The following IKZF3 variants were observed in gnomAD, a reference collection of about 807,000 sequenced individuals.
The protein encoded by IKZF3 is zinc finger protein Aiolos.
IKZF3 carries 10 observed loss-of-function variants against 49.0 expected under a neutral mutation model. That is an observed-to-expected ratio of 0.20 (90% CI 0.13 to 0.35). The LOEUF (loss-of-function observed/expected upper bound fraction) is 0.35. Among genes scored for constraint, IKZF3 ranks in the 10% least tolerant of loss-of-function variants. The pLI, the probability that IKZF3 is intolerant of heterozygous loss-of-function variation, is 1.00. For missense variants in IKZF3, 498 were observed against 664.8 expected (o/e 0.75, Z 2.76); for synonymous variants, 209 against 228.2 (o/e 0.92, Z 0.76).
At chr17:39,850,982 A>ATACACG (rs2062854086) in intron 1 of IKZF3, among the ~76,000 whole-genome samples, 1 of 143,226 alleles carries the variant, frequency 7.0e-6, no homozygotes, top group Non-Finnish European at 1.5e-5. Context: ...TATATATTAT[A>ATACACG]TATGTGTATA....
At chr17:39,848,978 T>C (rs1259406109) in intron 1 of IKZF3, among the ~76,000 whole-genome samples, 2 of 152,180 alleles carry the variant, frequency 1.3e-5, no homozygotes, top group Non-Finnish European at 2.9e-5. Flanking sequence ...CCAACGTGCC[T>C]GGCAAAGAAT....
At chr17:39,766,552 A>G in intron 7 of IKZF3, 59 bp from the exon 8 acceptor site, 3 of 1,418,052 alleles carry the variant, frequency 2.1e-6, no homozygotes, top group Non-Finnish European at 2.9e-6. Context: ...AGAGTTTGTA[A>G]ATATTTTCTA....
Position 39,758,052 on chromosome 17 carries a change from T to C in IKZF3, c.*7738A>G, listed in dbSNP as rs1227519936. On this transcript the variant is annotated 3_prime_UTR_variant, in exon 8 of 8. Coordinates refer to ENST00000346872, the MANE Select transcript of IKZF3 (RefSeq NM_012481.5). ...GGCTCCCTCCCGCCTTCCCTCCCAGTGGGAAGGCCACCCTGAGCCCCAAAC... is the reference window on the plus strand; with the variant it reads ...GGCTCCCTCCCGCCTTCCCTCCCAGCGGGAAGGCCACCCTGAGCCCCAAAC... The C allele has an allele frequency of 6.6e-6, 1 of 152,182 alleles. No homozygotes were observed. Among genetic ancestry groups the C allele is most frequent in the Non-Finnish European group, 1.5e-5 (1 of 68,018 alleles). The allele number at this position is 152,182 out of a possible 1,614,324, so 9.4% of individuals were successfully genotyped here. A position where few individuals can be genotyped will look rare whatever the true frequency, so the allele number is the denominator to read the frequency against.
At chr17:39,775,365 C>T (rs988484810) in intron 7 of IKZF3, among the ~76,000 whole-genome samples, 21 of 152,116 alleles carry the variant, frequency 1.4e-4, no homozygotes, top group African/African-American at 5.1e-4. Flanking sequence ...GCATCTCTCA[C>T]AAGTCTGGAA....
intron 5 of IKZF3, among the ~76,000 whole-genome samples, chr17:39,788,915 C>T (rs2060939318): frequency 6.6e-6 from 1 of 152,096 alleles, no homozygotes; most frequent in African/African-American, 2.4e-5. Context: ...ACAATAAAAA[C>T]TGAGCTAATT....
At chr17:39,838,685 C>T (rs2062375927) in intron 1 of IKZF3, among the ~76,000 whole-genome samples, 1 of 152,060 alleles carries the variant, frequency 6.6e-6, no homozygotes, top group South Asian at 2.1e-4. Context: ...GGTCAGTTAC[C>T]ATTGATTTCC....
At chr17:39,817,844 C>T (rs1000430988) in intron 3 of IKZF3, among the ~76,000 whole-genome samples, 3 of 152,112 alleles carry the variant, frequency 2.0e-5, no homozygotes, top group Non-Finnish European at 4.4e-5. Flanking sequence ...GTAGAGTAGT[C>T]CCCCCTTATT....
rs776688903 is a variant in IKZF3, at chr17:39,792,759, G to C, written c.338C>G (p.Pro113Arg). Reference protein sequence around the residue: ...RHVVSFDSSRPTSGKMNCDVC... With the variant: ...RHVVSFDSSRRTSGKMNCDVC... ...ATCGCAGTTCATCTTTCCACTGGTT[G>C]GCCTGCTACTATCGAATGAGACAAC... Residue 113 changes from proline to arginine, a missense_variant, in exon 4 of 8, where the codon CCA (proline) becomes CGA (arginine). This residue lies in a region of IKZF3 where 84 missense variants were observed against 168.6 expected (regional missense o/e 0.50). Transcript: ENST00000346872. 8 of 1,614,072 alleles carry C rather than the reference G, an allele frequency of 5.0e-6. No homozygotes were observed. The highest frequency in any genetic ancestry group is 6.8e-6 in the Non-Finnish European group (8 of 1,179,964).
chr17:39,811,410 G>C (rs1352763469), intron 3 of IKZF3, among the ~76,000 whole-genome samples: 1 of 148,986 alleles, frequency 6.7e-6, no homozygotes, highest in Non-Finnish European at 1.5e-5. Flanking sequence ...AAGGAAGAAA[G>C]GAAGGAAGAA....
chr17:39,791,579 T>C lies in IKZF3; in HGVS notation c.429A>G (p.Glu143=), dbSNP rs1390544780. The C allele has an allele frequency of 1.2e-6, 2 of 1,613,910 alleles. No individual in the cohort carries two copies. The highest frequency in any genetic ancestry group is 1.7e-6 in the Non-Finnish European group (2 of 1,179,886). ...CACACTGATTACACTGGAATGGGCG[T>C]TCACCTTTAAAAAGGACAAAAAAGG... ...LMVHKRSHTG[E]RPFQCNQCGA... is the part of the protein sequence containing the mutation. Residue 143 remains glutamate (E), a synonymous_variant, in exon 5 of 8, where the codon GAA becomes GAG. Coordinates refer to ENST00000346872, the MANE Select transcript of IKZF3 (RefSeq NM_012481.5).
At chr17:39,813,540 A>C (rs1018549891) in intron 3 of IKZF3, among the ~76,000 whole-genome samples, 1 of 151,596 alleles carries the variant, frequency 6.6e-6, no homozygotes, top group Non-Finnish European at 1.5e-5. Context: ...GCTACTCTGG[A>C]GTCTCGGGTG....
intron 7 of IKZF3, among the ~76,000 whole-genome samples, chr17:39,774,128 C>A (rs73302117): frequency 1.3e-5 from 2 of 152,076 alleles, no homozygotes; most frequent in Non-Finnish European, 2.9e-5. Flanking sequence ...TGGTAATTAT[C>A]GCCAGCCCGC....
At chr17:39,779,865 T>C (rs1567971127) in intron 6 of IKZF3, among the ~76,000 whole-genome samples, 1 of 152,174 alleles carries the variant, frequency 6.6e-6, no homozygotes, top group Middle Eastern at 3.4e-3. Flanking sequence ...CTATTATGTC[T>C]AAGGAAGAAT....
At chr17:39,779,602 T>C (rs1489867368) in intron 6 of IKZF3, among the ~76,000 whole-genome samples, 2 of 152,050 alleles carry the variant, frequency 1.3e-5, no homozygotes, top group East Asian at 3.8e-4. Context: ...ACAGTAAATT[T>C]TAAAAATTTG....
At chr17:39,815,063 T>C (rs1464982723) in intron 3 of IKZF3, among the ~76,000 whole-genome samples, 4 of 151,836 alleles carry the variant, frequency 2.6e-5, no homozygotes, top group African/African-American at 9.7e-5. Flanking sequence ...GCCAGTAGAG[T>C]GTTAAATACA....
At chr17:39,825,876 T>G (rs1260151594) in intron 3 of IKZF3, among the ~76,000 whole-genome samples, 1 of 152,138 alleles carries the variant, frequency 6.6e-6, no homozygotes. Context: ...TTATAGAGAA[T>G]CATGGTACCT....
chr17:39,801,599 C>T (rs1034028780), intron 3 of IKZF3, among the ~76,000 whole-genome samples: 1 of 152,174 alleles, frequency 6.6e-6, no homozygotes, highest in Non-Finnish European at 1.5e-5. Flanking sequence ...AATGTCTATA[C>T]TTCTCTCCCA....
Position 39,864,179 on chromosome 17 carries a change from G to C in IKZF3, c.-53C>G. On this transcript the variant is annotated 5_prime_UTR_variant, in exon 1 of 8. Transcript: ENST00000346872. ...CGCTGTGGCTACTCGGCCTCTCCAC[G>C]TGCTCCTGCCGTCGCCTGGACTCAG... 6.2e-7 allele frequency: 1 copy of C among 1,604,178 alleles called. No individual in the cohort carries two copies. Among genetic ancestry groups the C allele is most frequent in the Non-Finnish European group, 8.5e-7 (1 of 1,175,326 alleles).
At chr17:39,826,671 C>T (rs896248629) in intron 3 of IKZF3, among the ~76,000 whole-genome samples, 59 of 152,108 alleles carry the variant, frequency 3.9e-4, no homozygotes, top group Non-Finnish European at 7.9e-4. Flanking sequence ...CGGTAAAAGA[C>T]CCCCCTTCCA....
Sources: gnomAD v4.1 joint callset for allele counts (sites outside exome capture counted in the v4.1 genomes callset) on GRCh38, gnomAD v4.1.1 for gene constraint, gnomAD v4.1.1 regional missense constraint, MANE v1.5 for transcripts, NCBI Gene and HGNC (gene_info 2026-07-23, HGNC 2026-07-21) for gene names.